Variants in CFAP299 observed in about 807,000 individuals in gnomAD.
The protein encoded by CFAP299 is cilia- and flagella-associated protein 299.
CFAP299 carries 21 observed loss-of-function variants against 27.0 expected under a neutral mutation model. The observed-to-expected ratio is 0.78, with a 90% CI of 0.55 to 1.12. The LOEUF is 1.12. Ranked by LOEUF, CFAP299 falls within the 50% of genes most tolerant of loss-of-function variation. The pLI is 0.00. For missense variants in CFAP299, 310 were observed against 276.6 expected, an observed-to-expected ratio of 1.12 and a Z score of -0.86; for synonymous variants, 104 against 98.1, an observed-to-expected ratio of 1.06 and a Z score of -0.36.
intron 3 of CFAP299, among the ~76,000 whole-genome samples, chr4:80,609,383 G>A (rs1425314033): frequency 1.3e-5 from 2 of 152,148 alleles, no homozygotes; most frequent in East Asian, 1.9e-4. Flanking sequence ...TCCAAGGTAG[G>A]AAACTATGCA....
chr4:80,870,204 G>T, intron 4 of CFAP299, 69 bp downstream of exon 4: 1 of 1,489,020 alleles, frequency 6.7e-7, no homozygotes, highest in Non-Finnish European at 9.0e-7. Flanking sequence ...GGTCTACATT[G>T]TGCCTAAAAT....
intron 3 of CFAP299, among the ~76,000 whole-genome samples, chr4:80,804,166 T>C (rs2110112087): frequency 6.6e-6 from 1 of 152,220 alleles, no homozygotes; most frequent in East Asian, 1.9e-4. Context: ...GGGGACACAT[T>C]CAGAACACAG....
chr4:80,367,542 C>T (rs6534884), intron 2 of CFAP299, among the ~76,000 whole-genome samples: 9,902 of 152,110 alleles, frequency 0.065, 789 homozygotes, highest in African/African-American at 0.19. Context: ...CTAGAGGCAC[C>T]CATTTCAACA....
At chr4:80,942,297 A>G (rs1737237781) in intron 4 of CFAP299, among the ~76,000 whole-genome samples, 1 of 152,170 alleles carries the variant, frequency 6.6e-6, no homozygotes, top group Admixed American at 6.5e-5. Context: ...TGCGTTAGTC[A>G]GTGCAGGCTC....
At chr4:80,480,593 C>T (rs1390255) in intron 2 of CFAP299, among the ~76,000 whole-genome samples, 1 of 151,646 alleles carries the variant, frequency 6.6e-6, no homozygotes, top group East Asian at 1.9e-4. Flanking sequence ...AATTTAAGCA[C>T]GGTTAAGCTT....
At chr4:80,419,646 A>G (rs7691290) in intron 2 of CFAP299, among the ~76,000 whole-genome samples, 142,943 of 152,096 alleles carry the variant, frequency 0.94, 67,705 homozygotes, top group East Asian at 1. Flanking sequence ...TCACCTGATG[A>G]TCTTCTGAGA....
intron 4 of CFAP299, among the ~76,000 whole-genome samples, chr4:80,906,596 A>C (rs899889851): frequency 6.6e-6 from 1 of 152,166 alleles, no homozygotes; most frequent in African/African-American, 2.4e-5. Context: ...GTCCTCTAAA[A>C]TCTAGGTGGA....
At chr4:80,657,189 CTGA>C (rs1740599423) in intron 3 of CFAP299, among the ~76,000 whole-genome samples, 1 of 152,092 alleles carries the variant, frequency 6.6e-6, no homozygotes, top group Non-Finnish European at 1.5e-5. Flanking sequence ...CCTGTTCACG[CTGA>C]TGATAGTTTC....
At chr4:80,761,975 C>CA (rs1725563921) in intron 3 of CFAP299, among the ~76,000 whole-genome samples, 1 of 151,778 alleles carries the variant, frequency 6.6e-6, no homozygotes, top group Admixed American at 6.6e-5. Flanking sequence ...ATAAAAAATA[C>CA]AAAAACAGAT....
At chr4:80,480,902 G>T (rs1730531309) in intron 2 of CFAP299, among the ~76,000 whole-genome samples, 1 of 151,860 alleles carries the variant, frequency 6.6e-6, no homozygotes, top group African/African-American at 2.4e-5. Flanking sequence ...TCATATATTA[G>T]CTAAATAATT....
intron 2 of CFAP299, among the ~76,000 whole-genome samples, chr4:80,527,018 A>AT (rs1184421578): frequency 1.3e-5 from 2 of 149,566 alleles, no homozygotes; most frequent in African/African-American, 5.0e-5. Flanking sequence ...TTTTCAAGCT[A>AT]TTTTTCTTAT....
At chr4:80,651,265 T>TTTC (rs1560677691) in intron 3 of CFAP299, among the ~76,000 whole-genome samples, 7 of 144,878 alleles carry the variant, frequency 4.8e-5, no homozygotes, top group African/African-American at 1.5e-4. Flanking sequence ...CTTCCTTTCT[T>TTTC]TCTCTTTCTC....
intron 4 of CFAP299, among the ~76,000 whole-genome samples, chr4:80,876,926 T>C (rs1733410008): frequency 6.6e-6 from 1 of 152,188 alleles, no homozygotes; most frequent in Admixed American, 6.5e-5. Context: ...GGCCATCCTG[T>C]ACCCACCCTT....
chr4:80,692,292 C>A (rs1211347295), intron 3 of CFAP299, among the ~76,000 whole-genome samples: 1 of 152,150 alleles, frequency 6.6e-6, no homozygotes, highest in Non-Finnish European at 1.5e-5. Context: ...TGACTTCAAA[C>A]TATACTACAA....
At chr4:80,790,530 G>T (rs539507031) in intron 3 of CFAP299, 2 of 152,098 alleles carry the variant, frequency 1.3e-5, no homozygotes, top group Non-Finnish European at 2.9e-5. Context: ...CCCCATGAAT[G>T]AGATTAGTGC....
chr4:80,709,879 A>G (rs1466495664), intron 3 of CFAP299, among the ~76,000 whole-genome samples: 1 of 152,182 alleles, frequency 6.6e-6, no homozygotes, highest in Non-Finnish European at 1.5e-5. Flanking sequence ...AAATTATTTT[A>G]ACATAATACT....
intron 3 of CFAP299, among the ~76,000 whole-genome samples, chr4:80,607,399 G>A (rs974365749): frequency 8.0e-4 from 39 of 48,502 alleles, no homozygotes; most frequent in African/African-American, 1.7e-3. Context: ...AAAGCAAAAA[G>A]TAGAGGGTGG....
At chr4:80,682,530 G>A (rs1359313161) in intron 3 of CFAP299, among the ~76,000 whole-genome samples, 1 of 151,782 alleles carries the variant, frequency 6.6e-6, no homozygotes, top group Non-Finnish European at 1.5e-5. Context: ...AATTTTTCCA[G>A]CCCCTACTAA....
intron 5 of CFAP299, among the ~76,000 whole-genome samples, chr4:80,950,636 G>A (rs1247296638): frequency 6.6e-6 from 1 of 152,120 alleles, no homozygotes; most frequent in Non-Finnish European, 1.5e-5. Context: ...CAAAACATGA[G>A]GCTGTGAAGG....
Sources: allele counts gnomAD v4.1 joint callset (sites outside exome capture counted in the v4.1 genomes callset), GRCh38; gene constraint gnomAD v4.1.1; transcripts MANE v1.5; gene names NCBI Gene and HGNC (gene_info 2026-07-23, HGNC 2026-07-21).